RPH3A: variants seen among roughly 807,000 people sequenced by gnomAD.
RPH3A encodes the protein rabphilin 3A, also known as rabphilin-3A.
In RPH3A, 48 loss-of-function variants were observed where a neutral mutation model predicts 102.2. The ratio of observed to expected loss-of-function variants is 0.47; its 90% CI spans 0.37 to 0.60. RPH3A has a LOEUF of 0.60. RPH3A is among the 20% of genes least tolerant of loss of function. The pLI is 0.00. For missense variants in RPH3A, 781 were observed against 910.1 expected (o/e 0.86, Z 1.83); for synonymous variants, 310 against 324.3 (o/e 0.96, Z 0.47).
intron 1 of RPH3A, among the ~76,000 whole-genome samples, chr12:112,671,765 G>A (rs2040131635): frequency 6.6e-6 from 1 of 151,954 alleles, no homozygotes; most frequent in Non-Finnish European, 1.5e-5. Flanking sequence ...TTACAGAGTA[G>A]CAGAGAGTAC....
At chr12:112,709,133 A>G (rs981773462) in intron 1 of RPH3A, among the ~76,000 whole-genome samples, 2 of 152,176 alleles carry the variant, frequency 1.3e-5, no homozygotes, top group Non-Finnish European at 2.9e-5. Flanking sequence ...TTTTATTTTG[A>G]TTTTTAAAAA....
intron 1 of RPH3A, among the ~76,000 whole-genome samples, chr12:112,627,239 A>G (rs1413827812): frequency 6.6e-6 from 1 of 151,636 alleles, no homozygotes; most frequent in African/African-American, 2.4e-5. Flanking sequence ...TATTTGTATT[A>G]TGCACTATAC....
chr12:112,759,817 C>T (rs1323091707), intron 1 of RPH3A, among the ~76,000 whole-genome samples: 1 of 152,150 alleles, frequency 6.6e-6, no homozygotes, highest in East Asian at 1.9e-4. Context: ...GTGCGTATGT[C>T]CTTCTGCTCT....
intron 1 of RPH3A, among the ~76,000 whole-genome samples, chr12:112,657,476 G>A (rs899937566): frequency 6.6e-6 from 1 of 152,098 alleles, no homozygotes; most frequent in African/African-American, 2.4e-5. Flanking sequence ...GTACAGAATT[G>A]CATGTGCTAT....
chr12:112,821,872 C>T (rs1157225262), intron 2 of RPH3A, among the ~76,000 whole-genome samples: 2 of 152,114 alleles, frequency 1.3e-5, no homozygotes, highest in Non-Finnish European at 2.9e-5. Context: ...GGTAAATGTT[C>T]CATAAATATT....
intron 21 of RPH3A, among the ~76,000 whole-genome samples, 157 bp from the exon 22 acceptor site, chr12:112,896,493 C>T (rs1025816456): frequency 6.6e-6 from 1 of 152,164 alleles, no homozygotes; most frequent in African/African-American, 2.4e-5. Flanking sequence ...ATAATAATAA[C>T]AACAACAGCA....
intron 1 of RPH3A, among the ~76,000 whole-genome samples, chr12:112,779,663 A>G (rs4767008): frequency 0.9 from 137,152 of 152,106 alleles, 61,890 homozygotes; most frequent in African/African-American, 0.96. Context: ...GTGAAGAAGT[A>G]GACTCACACT....
chr12:112,855,248 G>A (rs1488242850), intron 5 of RPH3A, among the ~76,000 whole-genome samples: 2 of 152,206 alleles, frequency 1.3e-5, no homozygotes, highest in Non-Finnish European at 2.9e-5. Flanking sequence ...CTGTAAAATG[G>A]GAGTGAATAA....
At chr12:112,660,454 C>T (rs996043826) in intron 1 of RPH3A, among the ~76,000 whole-genome samples, 1 of 152,160 alleles carries the variant, frequency 6.6e-6, no homozygotes, top group Non-Finnish European at 1.5e-5. Flanking sequence ...TACTCCTGAC[C>T]TCTCCCCATC....
intron 2 of RPH3A, among the ~76,000 whole-genome samples, chr12:112,801,718 G>A (rs1249401876): frequency 6.6e-6 from 1 of 152,016 alleles, no homozygotes; most frequent in African/African-American, 2.4e-5. Context: ...TTCCCTTCCT[G>A]GTACACAGCC....
rs561144117 is a variant in RPH3A, at chr12:112,680,755, T to C, written c.-140+105436T>C. On this transcript the variant is annotated intron_variant, in intron 1 of 21. Transcript: ENST00000543106. ...GACATGCATAGCCCTCCTTTTTCTC[T>C]TGATCAATTTTGCCTGTCTCCCACA... Among the ~76,000 whole-genome samples, 63 of 152,288 alleles carry C rather than the reference T, an allele frequency of 4.1e-4. 1 individual carries two copies. Among genetic ancestry groups the C allele is most frequent in the African/African-American group, 1.4e-3 (60 of 41,568 alleles).
At chr12:112,591,335 C>T (rs1270276852) in intron 1 of RPH3A, among the ~76,000 whole-genome samples, 2 of 152,236 alleles carry the variant, frequency 1.3e-5, no homozygotes, top group African/African-American at 2.4e-5. Flanking sequence ...ATCCTCCCAC[C>T]TCAGCCTCTC....
chr12:112,724,828 G>C (rs958355980), intron 1 of RPH3A, among the ~76,000 whole-genome samples: 10 of 152,038 alleles, frequency 6.6e-5, no homozygotes, highest in African/African-American at 2.2e-4. Context: ...AATTAGCCAG[G>C]CGTGGTGACA....
At chr12:112,866,672 C>G in intron 6 of RPH3A, 85 bp from the exon 7 acceptor site, 1 of 1,084,056 alleles carries the variant, frequency 9.2e-7, no homozygotes, top group Non-Finnish European at 1.4e-6. Flanking sequence ...CTCTTTACAT[C>G]CACCAAGAGA....
chr12:112,728,004 A>G (rs2040607337), intron 1 of RPH3A, among the ~76,000 whole-genome samples: 1 of 152,244 alleles, frequency 6.6e-6, no homozygotes, highest in Admixed American at 6.5e-5. Context: ...GACCTACTGA[A>G]GAAGAGGAAA....
chr12:112,833,366 G>C (rs35223227), intron 3 of RPH3A, among the ~76,000 whole-genome samples: 65,441 of 152,044 alleles, frequency 0.43, 15,683 homozygotes, highest in African/African-American at 0.64. Flanking sequence ...TACCAGCACA[G>C]CACTGCCTGA....
chr12:112,795,036 A>G (rs745877553), intron 2 of RPH3A, among the ~76,000 whole-genome samples: 2 of 152,026 alleles, frequency 1.3e-5, no homozygotes, highest in Non-Finnish European at 2.9e-5. Flanking sequence ...CCCCCAGCCT[A>G]CTCTGCCTTT....
chr12:112,701,978 G>A (rs1009150543), intron 1 of RPH3A, among the ~76,000 whole-genome samples: 2 of 152,134 alleles, frequency 1.3e-5, no homozygotes, highest in South Asian at 2.1e-4. Context: ...CCATTTTTGC[G>A]ATTAAGAGCA....
chr12:112,843,202 G>A (rs890924305), intron 4 of RPH3A, among the ~76,000 whole-genome samples: 6 of 152,150 alleles, frequency 3.9e-5, no homozygotes, highest in East Asian at 1.9e-4. Context: ...ATCGCTCCTC[G>A]ACTCAGGAAG....
Sources: gnomAD v4.1 joint callset for allele counts (sites outside exome capture counted in the v4.1 genomes callset) on GRCh38, gnomAD v4.1.1 for gene constraint, MANE v1.5 for transcripts, NCBI Gene and HGNC (gene_info 2026-07-23, HGNC 2026-07-21) for gene names.